RPS6KC1: variants seen among roughly 807,000 people sequenced by gnomAD.
The protein encoded by RPS6KC1 is ribosomal protein S6 kinase C1.
Under a neutral mutation model 103.8 loss-of-function variants are expected in RPS6KC1, and 54 were observed. That is an observed-to-expected ratio of 0.52 (90% CI 0.42 to 0.65). The LOEUF is 0.65. RPS6KC1 is among the 30% of genes least tolerant of loss of function. The probability of loss-of-function intolerance (pLI) is 0.00; values close to 1 mark genes in which losing one functional copy is unlikely to be tolerated. For missense variants in RPS6KC1, 1,151 were observed against 1,253.8 expected (o/e 0.92, Z 1.24); for synonymous variants, 439 against 438.7 (o/e 1.00, Z -0.01).
chr1:213,412,945 G>A, the RPS6KC1 span, among the ~76,000 whole-genome samples: 5 of 152,300 alleles, frequency 3.3e-5, no homozygotes, highest in Non-Finnish European at 4.4e-5. Context: ...TTTGGTCAAC[G>A]TTCTTTGACT....
chr1:213,825,479 G>A, the RPS6KC1 span, among the ~76,000 whole-genome samples: 1 of 152,242 alleles, frequency 6.6e-6, no homozygotes, highest in East Asian at 1.9e-4. Flanking sequence ...GGTGCTAGAG[G>A]GATACTGAGT....
At chr1:213,135,034 C>T (rs374952154) in intron 6 of RPS6KC1, among the ~76,000 whole-genome samples, 14 of 152,170 alleles carry the variant, frequency 9.2e-5, no homozygotes, top group African/African-American at 2.2e-4. Context: ...TCAGTCTTAC[C>T]GTGGAATATG....
At chr1:213,411,597 C>T in the RPS6KC1 span, among the ~76,000 whole-genome samples, 1 of 152,102 alleles carries the variant, frequency 6.6e-6, no homozygotes, top group East Asian at 1.9e-4. Context: ...GGCTGATAGA[C>T]ATTGGTCTTT....
chr1:213,547,693 C>T, the RPS6KC1 span, among the ~76,000 whole-genome samples: 2 of 152,130 alleles, frequency 1.3e-5, no homozygotes, highest in Non-Finnish European at 2.9e-5. Flanking sequence ...CCTCAAGATC[C>T]AATTGTTGAA....
chr1:213,321,342 G>A, the RPS6KC1 span, among the ~76,000 whole-genome samples: 23 of 152,290 alleles, frequency 1.5e-4, no homozygotes, highest in African/African-American at 4.8e-4. Context: ...TCCTTGAGGT[G>A]TTCCCTTGAG....
the RPS6KC1 span, among the ~76,000 whole-genome samples, chr1:213,565,413 G>T: frequency 6.6e-6 from 1 of 152,164 alleles, no homozygotes; most frequent in Non-Finnish European, 1.5e-5. Flanking sequence ...TCATATAATG[G>T]AAAAGTACTC....
Position 213,272,751 on chromosome 1 carries a change from C to T in RPS6KC1, c.*117C>T, listed in dbSNP as rs959429397. 1.4e-6 allele frequency: 1 copy of T among 694,970 alleles called. No homozygotes were observed. Among genetic ancestry groups the T allele is most frequent in the East Asian group, 2.7e-5 (1 of 36,488 alleles). The allele number at this position is 694,970 out of a possible 1,614,324, so 43.1% of individuals were successfully genotyped here. A position where few individuals can be genotyped will look rare whatever the true frequency, so the allele number is the denominator to read the frequency against. ...AGCACCAAAGCATTTGGATAAAGACCGTTATAGGAAATGGGGGGGAAATGG... is the reference window on the plus strand; with the variant it reads ...AGCACCAAAGCATTTGGATAAAGACTGTTATAGGAAATGGGGGGGAAATGG... On this transcript the variant is annotated 3_prime_UTR_variant, in exon 15 of 15. Transcript: ENST00000366960.
At chr1:213,821,067 A>G in the RPS6KC1 span, 3 of 152,220 alleles carry the variant, frequency 2.0e-5, no homozygotes, top group Non-Finnish European at 4.4e-5. Flanking sequence ...AGAAGAGGCT[A>G]CAGCAATAAC....
chr1:213,204,709 G>A (rs559182389), intron 8 of RPS6KC1, among the ~76,000 whole-genome samples: 2 of 147,202 alleles, frequency 1.4e-5, no homozygotes, highest in Non-Finnish European at 3.0e-5. Context: ...CTGCAGTCCC[G>A]ACGTCTTGGG....
Position 213,274,188 on chromosome 1 carries a change from A to T in RPS6KC1, c.*1554A>T, listed in dbSNP as rs1298007078. On this transcript the variant is annotated 3_prime_UTR_variant, in exon 15 of 15. Coordinates refer to ENST00000366960, the MANE Select transcript of RPS6KC1 (RefSeq NM_012424.6). ...GAGCAGGTCACCAGGATCATAGTTC[A>T]GTCAAAATGACATCACTCCCTGGAA... is the stretch of plus-strand genomic sequence containing the variant. 5 of 152,246 alleles carry T rather than the reference A, an allele frequency of 3.3e-5. No homozygotes were observed. The highest frequency in any genetic ancestry group is 1.2e-4 in the African/African-American group (5 of 41,474). The allele number at this position is 152,246 out of a possible 1,614,324, so 9.4% of individuals were successfully genotyped here.
At chr1:213,453,712 T>C in the RPS6KC1 span, among the ~76,000 whole-genome samples, 7 of 152,116 alleles carry the variant, frequency 4.6e-5, no homozygotes, top group Admixed American at 4.6e-4. Flanking sequence ...GCTGAACAAG[T>C]CAGTGCCTTT....
chr1:213,599,977 T>A, the RPS6KC1 span, among the ~76,000 whole-genome samples: 1 of 152,138 alleles, frequency 6.6e-6, no homozygotes, highest in Non-Finnish European at 1.5e-5. Flanking sequence ...GTAATCCCCA[T>A]GTGTAGAGGG....
intron 8 of RPS6KC1, among the ~76,000 whole-genome samples, chr1:213,221,027 A>G (rs1278920301): frequency 6.6e-6 from 1 of 152,188 alleles, no homozygotes; most frequent in Non-Finnish European, 1.5e-5. Context: ...GTACCCAGAA[A>G]AACAGGCCTT....
chr1:213,151,840 C>T (rs1258923588), intron 6 of RPS6KC1, among the ~76,000 whole-genome samples: 1 of 130,958 alleles, frequency 7.6e-6, no homozygotes, highest in Admixed American at 7.1e-5. Flanking sequence ...CTGACCCCCC[C>T]ACCTCCCTCC....
chr1:213,660,572 G>A, the RPS6KC1 span, among the ~76,000 whole-genome samples: 1 of 152,130 alleles, frequency 6.6e-6, no homozygotes, highest in Non-Finnish European at 1.5e-5. Context: ...GAAGATTCTA[G>A]GTAGCTCATT....
At chr1:213,151,851 C>T (rs866705531) in intron 6 of RPS6KC1, among the ~76,000 whole-genome samples, 17 of 124,822 alleles carry the variant, frequency 1.4e-4, no homozygotes, top group South Asian at 2.6e-4. Flanking sequence ...ACCTCCCTCC[C>T]GGACGGGGCG....
chr1:213,110,869 G>A (rs963674856), intron 4 of RPS6KC1, among the ~76,000 whole-genome samples: 1 of 151,970 alleles, frequency 6.6e-6, no homozygotes, highest in Non-Finnish European at 1.5e-5. Context: ...GCAACTTCAG[G>A]TGTGCTGAGC....
intron 5 of RPS6KC1, 79 bp downstream of exon 5, chr1:213,117,489 CAG>C: frequency 1.3e-6 from 1 of 780,044 alleles, no homozygotes; most frequent in Admixed American, 2.3e-5. Flanking sequence ...TGCAAAAAGA[CAG>C]ATGTATATAG....
the RPS6KC1 span, among the ~76,000 whole-genome samples, chr1:213,714,967 G>T: frequency 4.6e-5 from 7 of 152,288 alleles, no homozygotes; most frequent in East Asian, 1.4e-3. Flanking sequence ...GCAAGAGGGT[G>T]CATAGAGGGG....
Sources: allele counts gnomAD v4.1 joint callset (sites outside exome capture counted in the v4.1 genomes callset), GRCh38; gene constraint gnomAD v4.1.1; transcripts MANE v1.5; gene names NCBI Gene and HGNC (gene_info 2026-07-23, HGNC 2026-07-21).